Variants in SLC5A4 observed in about 807,000 individuals in gnomAD.
SLC5A4 encodes the protein solute carrier family 5 member 4.
A neutral mutation model predicts 70.3 loss-of-function variants in SLC5A4; 55 were observed. That is an observed-to-expected ratio of 0.78 (90% CI 0.63 to 0.98). SLC5A4 has a LOEUF of 0.98. SLC5A4 is among the 50% of genes least tolerant of loss of function. The pLI is 0.00. For synonymous variants in SLC5A4, 268 were observed against 305.7 expected (o/e 0.88, Z 1.29); for missense variants, 735 against 839.2 (o/e 0.88, Z 1.53).
the SLC5A4 span, among the ~76,000 whole-genome samples, chr22:32,304,440 CTTGTT>C: frequency 4.4e-5 from 5 of 114,440 alleles, no homozygotes; most frequent in South Asian, 2.7e-4. Flanking sequence ...CCATGCCCAG[CTTGTT>C]TTTTCTTTTT....
chr22:32,253,740 A>G (rs1927303558), intron 2 of SLC5A4, among the ~76,000 whole-genome samples: 1 of 152,098 alleles, frequency 6.6e-6, no homozygotes, highest in Non-Finnish European at 1.5e-5. Context: ...TAGGCAACCA[A>G]TGTACATCAG....
chr22:32,261,444 G>A, the SLC5A4 span, among the ~76,000 whole-genome samples: 1 of 152,214 alleles, frequency 6.6e-6, no homozygotes, highest in Non-Finnish European at 1.5e-5. Flanking sequence ...GGGGCTTGTG[G>A]CCCAAAGAAC....
In SLC5A4 at chr22:32,239,057, G is replaced by A. The variant is rs151263597; in HGVS notation, c.511C>T (p.Leu171=). 2 of 1,613,962 alleles carry A rather than the reference G, an allele frequency of 1.2e-6. No individual in the cohort carries two copies. The highest frequency in any genetic ancestry group is 1.1e-5 in the South Asian group (1 of 91,066). The change falls in exon 6 of 15, where the codon CTG becomes TTG. Residue 171 remains leucine, a synonymous_variant. Transcript: ENST00000266086. The part of the protein sequence containing the change: ...DIFAGAIFIK[L]ALGLDLYLAI... Reference sequence around the variant, plus strand: ...AGGTAAAGGTCCAATCCCAAGGCCAGCTTGATGAATATGGCTCCAGCAAAT... The same window carrying A: ...AGGTAAAGGTCCAATCCCAAGGCCAACTTGATGAATATGGCTCCAGCAAAT...
At chr22:32,248,210 C>A (rs894686976) in intron 4 of SLC5A4, among the ~76,000 whole-genome samples, 1 of 152,226 alleles carries the variant, frequency 6.6e-6, no homozygotes, top group Non-Finnish European at 1.5e-5. Flanking sequence ...GAATGCCTGA[C>A]AGATTTACCC....
At chr22:32,303,626 T>C in the SLC5A4 span, among the ~76,000 whole-genome samples, 29 of 152,294 alleles carry the variant, frequency 1.9e-4, no homozygotes, top group Non-Finnish European at 3.7e-4. Context: ...TGTCTTTTAA[T>C]GGCTTGATAC....
At chr22:32,226,369 G>C (rs551365437) in intron 11 of SLC5A4, among the ~76,000 whole-genome samples, 1 of 152,324 alleles carries the variant, frequency 6.6e-6, no homozygotes, top group South Asian at 2.1e-4. Context: ...TGTCCAGGGA[G>C]CATGACTTCT....
rs763808657 is a variant in SLC5A4 at position 32,254,143 on chromosome 22, G to C, written c.206C>G (p.Pro69Arg). ...FLAGRDMAWW[P>R]MGASLFASNI... ...TCCAGAAAACTTCGATCCACTTACC[G>C]GCCACCAGGCCATATCACGACCAGC... Residue 69 changes from proline to arginine, a missense_variant and splice_region_variant, in exon 2 of 15, where the codon CCG (proline) becomes CGG (arginine). Pro to Arg is a moderately radical substitution (Grantham distance 103). Coordinates refer to ENST00000266086, the MANE Select transcript of SLC5A4 (RefSeq NM_014227.3). 5 of 1,612,932 alleles carry C rather than the reference G, an allele frequency of 3.1e-6. No individual in the cohort carries two copies. In the South Asian group the frequency reaches 5.5e-5, roughly 18 times the overall value.
the SLC5A4 span, among the ~76,000 whole-genome samples, chr22:32,335,714 A>G: frequency 6.6e-6 from 1 of 152,188 alleles, no homozygotes; most frequent in Non-Finnish European, 1.5e-5. Context: ...TGCAGCACCC[A>G]GCGATTCCTG....
At chr22:32,352,738 C>T in the SLC5A4 span, among the ~76,000 whole-genome samples, 1 of 152,242 alleles carries the variant, frequency 6.6e-6, no homozygotes, top group South Asian at 2.1e-4. Flanking sequence ...AATACAACTA[C>T]TACTGCTGTC....
At chr22:32,287,582 G>C in the SLC5A4 span, among the ~76,000 whole-genome samples, 1 of 152,056 alleles carries the variant, frequency 6.6e-6, no homozygotes, top group South Asian at 2.1e-4. Context: ...AGCAGGTGTA[G>C]ACCTGATGGA....
intron 3 of SLC5A4, among the ~76,000 whole-genome samples, chr22:32,249,479 A>G (rs1927020457): frequency 6.6e-6 from 1 of 152,160 alleles, no homozygotes; most frequent in Non-Finnish European, 1.5e-5. Flanking sequence ...CCATGGCACT[A>G]TTAAAACAAA....
At chr22:32,330,144 T>C in the SLC5A4 span, among the ~76,000 whole-genome samples, 1 of 135,812 alleles carries the variant, frequency 7.4e-6, no homozygotes, top group East Asian at 2.3e-4. Flanking sequence ...AGGGGGGCTC[T>C]GTGCGTATTG....
At chr22:32,346,044 A>G in the SLC5A4 span, among the ~76,000 whole-genome samples, 1 of 152,188 alleles carries the variant, frequency 6.6e-6, no homozygotes, top group Non-Finnish European at 1.5e-5. Flanking sequence ...TCCCTCCAAT[A>G]CAGATCTGCT....
chr22:32,341,935 C>T, the SLC5A4 span, among the ~76,000 whole-genome samples: 1 of 152,200 alleles, frequency 6.6e-6, no homozygotes, highest in Non-Finnish European at 1.5e-5. Context: ...CCCTGGATCG[C>T]TTCATTTTCT....
the SLC5A4 span, chr22:32,270,289 G>A: frequency 1.2e-6 from 1 of 806,046 alleles, no homozygotes; most frequent in South Asian, 1.4e-5. Flanking sequence ...GAACAACCCT[G>A]AGCCGGACCT....
chr22:32,329,921 G>A, the SLC5A4 span, among the ~76,000 whole-genome samples: 1 of 48,398 alleles, frequency 2.1e-5, no homozygotes, highest in Admixed American at 2.2e-4. Flanking sequence ...TGTGTGTTGG[G>A]GGCTCTGGTG....
chr22:32,311,475 C>G, the SLC5A4 span, among the ~76,000 whole-genome samples: 8,214 of 152,276 alleles, frequency 0.054, 381 homozygotes, highest in Admixed American at 0.15. Context: ...TTAGGTGATG[C>G]CATCCATCTC....
the SLC5A4 span, among the ~76,000 whole-genome samples, chr22:32,303,737 G>A: frequency 5.3e-5 from 8 of 152,212 alleles, no homozygotes; most frequent in Admixed American, 6.5e-5. Context: ...TCCAAGTTTC[G>A]GCAATTATGA....
intron 5 of SLC5A4, among the ~76,000 whole-genome samples, chr22:32,244,667 A>G (rs1458107455): frequency 6.6e-6 from 1 of 152,146 alleles, no homozygotes; most frequent in Non-Finnish European, 1.5e-5. Flanking sequence ...AGCTGGGACA[A>G]TAAATGTGTG....
Sources: gnomAD v4.1 joint callset for allele counts (sites outside exome capture counted in the v4.1 genomes callset) on GRCh38, gnomAD v4.1.1 for gene constraint, MANE v1.5 for transcripts, NCBI Gene and HGNC (gene_info 2026-07-23, HGNC 2026-07-21) for gene names.